Variants in SLCO2A1 observed in about 807,000 individuals in gnomAD.
SLCO2A1 encodes matrin F/G 1.
Under a neutral mutation model 71.7 loss-of-function variants are expected in SLCO2A1, and 60 were observed. That is an observed-to-expected ratio of 0.84 (90% confidence interval 0.68 to 1.04). The LOEUF is 1.04. Among genes scored for constraint, SLCO2A1 ranks in the 50% least tolerant of loss-of-function variants. SLCO2A1 has a pLI of 0.00. For synonymous variants in SLCO2A1, 308 were observed against 326.7 expected, an observed-to-expected ratio of 0.94 and a Z score of 0.62; for missense variants, 745 against 813.4, an observed-to-expected ratio of 0.92 and a Z score of 1.02.
intron 1 of SLCO2A1, among the ~76,000 whole-genome samples, chr3:134,014,889 G>GA (rs1216037813): frequency 1.3e-5 from 2 of 152,038 alleles, no homozygotes; most frequent in Admixed American, 1.3e-4. Flanking sequence ...ATTAAGATTA[G>GA]AAAAAATTTA....
In SLCO2A1 at chr3:133,954,984, T is replaced by A. The variant is rs1413347696; in HGVS notation, c.607A>T (p.Asn203Tyr). 6.2e-7 allele frequency: 1 copy of A among 1,614,030 alleles called. No homozygotes were observed. Among genetic ancestry groups the A allele is most frequent in the Admixed American group, 1.7e-5 (1 of 60,008 alleles). The change falls in exon 4 of 14, where the codon AAC becomes TAC. Residue 203 changes from asparagine (N) to tyrosine (Y), a missense_variant. Transcript: ENST00000310926. ...SYVDDFSEPS[N>Y]SPLYISILFA... is the part of the protein sequence containing the mutation. ...GACTCACAGATGTACAGGGGCGAGT[T>A]GCTGGGCTCTGAGAAGTCATCCACA...
chr3:133,990,437 G>A (rs184467998), intron 1 of SLCO2A1, among the ~76,000 whole-genome samples: 196 of 152,256 alleles, frequency 1.3e-3, no homozygotes, highest in Middle Eastern at 6.8e-3. Context: ...ATTCTGTCCC[G>A]TTTTTCAATG....
chr3:133,954,819 AAG>A, intron 4 of SLCO2A1, 145 bp downstream of exon 4: 1 of 631,154 alleles, frequency 1.6e-6, no homozygotes, highest in African/African-American at 1.8e-5. Flanking sequence ...CATTCAAACC[AAG>A]TCTGTCGGAT....
At chr3:133,946,149 G>A (rs1274295730) in intron 9 of SLCO2A1, among the ~76,000 whole-genome samples, 1 of 151,856 alleles carries the variant, frequency 6.6e-6, no homozygotes, top group Non-Finnish European at 1.5e-5. Context: ...TACAGACTAG[G>A]GGTGAGCTCC....
chr3:133,952,296 G>A (rs1458416976), intron 5 of SLCO2A1, among the ~76,000 whole-genome samples: 5 of 152,202 alleles, frequency 3.3e-5, no homozygotes, highest in Non-Finnish European at 7.3e-5. Flanking sequence ...ATGGCACTGT[G>A]GTCTGACAGT....
At chr3:133,988,429 C>T (rs1211932159) in intron 1 of SLCO2A1, among the ~76,000 whole-genome samples, 4 of 152,136 alleles carry the variant, frequency 2.6e-5, no homozygotes, top group East Asian at 3.8e-4. Context: ...CAAGTTGTGC[C>T]GCCTTTCTGG....
intron 3 of SLCO2A1, among the ~76,000 whole-genome samples, chr3:133,960,001 T>C (rs902296817): frequency 1.3e-5 from 2 of 152,164 alleles, no homozygotes; most frequent in African/African-American, 4.8e-5. Flanking sequence ...GCACTTGTAG[T>C]CCCAGCTACT....
At chr3:133,987,144 CCCCCG>C (rs1182049198) in intron 1 of SLCO2A1, among the ~76,000 whole-genome samples, 1 of 127,848 alleles carries the variant, frequency 7.8e-6, no homozygotes, top group Non-Finnish European at 1.7e-5. Flanking sequence ...CCCCCCCCCG[CCCCCG>C]CCCCGCCACC....
chr3:134,004,413 C>T (rs1200574167), intron 1 of SLCO2A1, among the ~76,000 whole-genome samples: 1 of 152,192 alleles, frequency 6.6e-6, no homozygotes, highest in Non-Finnish European at 1.5e-5. Context: ...CAGCTCACTG[C>T]AACCTCCGCC....
At chr3:133,980,597 G>A (rs905010034) in intron 1 of SLCO2A1, among the ~76,000 whole-genome samples, 1 of 152,244 alleles carries the variant, frequency 6.6e-6, no homozygotes, top group African/African-American at 2.4e-5. Flanking sequence ...GGTGAGTGCT[G>A]TGCCATTTCA....
At position 133,951,349 on chromosome 3, in the gene SLCO2A1, A is replaced by C. The variant is rs2108043718; in HGVS notation, c.725-5T>G. 6.2e-7 allele frequency: 1 copy of C among 1,613,956 alleles called. No individual in the cohort carries two copies. The highest frequency in any genetic ancestry group is 2.2e-5 in the East Asian group (1 of 44,886). ...CCGGGACCAAGTTAACTGCAGCTGA[A>C]GAGAAAACGAAGAGTGCAAATGTTT... On this transcript the variant is annotated splice_region_variant and splice_polypyrimidine_tract_variant and intron_variant, in intron 5 of 13. Coordinates refer to ENST00000310926, the MANE Select transcript of SLCO2A1 (RefSeq NM_005630.3).
chr3:133,937,665 C>T (rs1933303920), intron 12 of SLCO2A1, among the ~76,000 whole-genome samples: 1 of 152,220 alleles, frequency 6.6e-6, no homozygotes, highest in African/African-American at 2.4e-5. Flanking sequence ...CTCCATATTC[C>T]CCTCTGTAGT....
intron 1 of SLCO2A1, among the ~76,000 whole-genome samples, chr3:134,019,034 C>T (rs1292231464): frequency 2.0e-5 from 3 of 152,168 alleles, no homozygotes. Flanking sequence ...CACTGCTGCT[C>T]CCCTTGGTCA....
intron 1 of SLCO2A1, among the ~76,000 whole-genome samples, chr3:134,011,905 G>A (rs1421836336): frequency 6.6e-6 from 1 of 152,196 alleles, no homozygotes; most frequent in East Asian, 1.9e-4. Context: ...GTAAGAAGGA[G>A]GAGTGTGAGA....
At chr3:133,995,502 T>A (rs59793753) in intron 1 of SLCO2A1, among the ~76,000 whole-genome samples, 2 of 152,336 alleles carry the variant, frequency 1.3e-5, no homozygotes, top group South Asian at 4.1e-4. Context: ...AGAGTCTTTG[T>A]GGGTGGGGGC....
chr3:134,014,489 C>T (rs1935404349), intron 1 of SLCO2A1, among the ~76,000 whole-genome samples: 1 of 152,194 alleles, frequency 6.6e-6, no homozygotes, highest in Admixed American at 6.5e-5. Flanking sequence ...CAGTAAGACA[C>T]ACCCAGGGAA....
intron 1 of SLCO2A1, among the ~76,000 whole-genome samples, chr3:134,005,965 T>TAAA (rs1262057189): frequency 6.6e-6 from 1 of 152,184 alleles, no homozygotes; most frequent in African/African-American, 2.4e-5. Context: ...TCTTTTGTCT[T>TAAA]AGAAGGTATA....
Position 133,942,676 on chromosome 3 carries a change from G to A in SLCO2A1, c.1554C>T (p.Ala518=). ...GGGACACGAAGGAGATGAGGAAGATGGCCGGGAGCAGGAAGTGGGCACAGG... is the reference window on the plus strand; with the variant it reads ...GGGACACGAAGGAGATGAGGAAGATAGCCGGGAGCAGGAAGTGGGCACAGG... ...PVPCAHFLLP[A]IFLISFVSLI... The change falls in exon 11 of 14, where the codon GCC becomes GCT. Residue 518 remains alanine (A), a synonymous_variant. Transcript: ENST00000310926. 3.1e-6 allele frequency: 5 copies of A among 1,613,988 alleles called. No individual in the cohort carries two copies. Among genetic ancestry groups the A allele is most frequent in the Non-Finnish European group, 3.4e-6 (4 of 1,179,966 alleles).
chr3:133,948,776 G>A (rs1933654575), intron 7 of SLCO2A1, 76 bp from the exon 8 acceptor site: 1 of 1,592,616 alleles, frequency 6.3e-7, no homozygotes, highest in Non-Finnish European at 8.6e-7. Context: ...GCCAGTTACA[G>A]GCCCTCTGCT....
Sources: allele counts gnomAD v4.1 joint callset (sites outside exome capture counted in the v4.1 genomes callset), GRCh38; gene constraint gnomAD v4.1.1; transcripts MANE v1.5; gene names NCBI Gene and HGNC (gene_info 2026-07-23, HGNC 2026-07-21).